The following SGK1 variants were observed in gnomAD, a reference collection of about 807,000 sequenced individuals.
SGK1 encodes the protein serine/threonine-protein kinase Sgk1.
SGK1 carries 26 observed loss-of-function variants against 64.2 expected under a neutral mutation model. That is an observed-to-expected ratio of 0.40 (90% CI 0.30 to 0.56). SGK1 has a LOEUF of 0.56. SGK1 is among the 20% of genes least tolerant of loss of function. The probability of loss-of-function intolerance (pLI) is 0.38; values close to 1 mark genes in which losing one functional copy is unlikely to be tolerated. For synonymous variants in SGK1, 265 were observed against 239.7 expected (o/e 1.11, Z -0.98); for missense variants, 519 against 645.6 (o/e 0.80, Z 2.12).
At chr6:134,237,601 C>T (rs1434607406) in intron 2 of SGK1, among the ~76,000 whole-genome samples, 2 of 152,006 alleles carry the variant, frequency 1.3e-5, no homozygotes, top group African/African-American at 2.4e-5. Context: ...CGCTTGAACC[C>T]GGGAAGGCAG....
intron 1 of SGK1, among the ~76,000 whole-genome samples, chr6:134,283,360 A>T (rs576252671): frequency 1.3e-5 from 2 of 151,996 alleles, no homozygotes; most frequent in African/African-American, 4.8e-5. Flanking sequence ...GCGTGGTGGC[A>T]CGTGCCTGTA....
At chr6:134,263,236 C>T (rs910034372) in intron 1 of SGK1, among the ~76,000 whole-genome samples, 1 of 152,026 alleles carries the variant, frequency 6.6e-6, no homozygotes, top group African/African-American at 2.4e-5. Context: ...AATACATATT[C>T]ACTATTATTA....
intron 1 of SGK1, among the ~76,000 whole-genome samples, chr6:134,266,540 C>T (rs1458487177): frequency 6.6e-6 from 1 of 152,020 alleles, no homozygotes; most frequent in Non-Finnish European, 1.5e-5. Flanking sequence ...GCTTGAACCT[C>T]GGAGGCAGAG....
At chr6:134,268,459 C>T (rs1326581779) in intron 1 of SGK1, among the ~76,000 whole-genome samples, 3 of 152,106 alleles carry the variant, frequency 2.0e-5, no homozygotes, top group Non-Finnish European at 4.4e-5. Context: ...GGCGCTGTGG[C>T]TCATGCCTGT....
At chr6:134,264,627 AATT>A (rs149642782) in intron 1 of SGK1, among the ~76,000 whole-genome samples, 1 of 151,804 alleles carries the variant, frequency 6.6e-6, no homozygotes, top group Non-Finnish European at 1.5e-5. Flanking sequence ...GTGATGCTAC[AATT>A]ATTATTATTA....
At chr6:134,293,843 G>A (rs1477808177) in intron 1 of SGK1, among the ~76,000 whole-genome samples, 1 of 152,114 alleles carries the variant, frequency 6.6e-6, no homozygotes, top group Non-Finnish European at 1.5e-5. Flanking sequence ...CTAAAATGCA[G>A]ACAAATGGAA....
At chr6:134,257,416 CAAACA>C (rs902231346) in intron 2 of SGK1, among the ~76,000 whole-genome samples, 123 of 152,228 alleles carry the variant, frequency 8.1e-4, no homozygotes, top group African/African-American at 2.6e-3. Flanking sequence ...AAAAACCCAA[CAAACA>C]AAACAAAACA....
At chr6:134,239,381 G>A (rs1197406822) in intron 2 of SGK1, among the ~76,000 whole-genome samples, 2 of 152,232 alleles carry the variant, frequency 1.3e-5, no homozygotes, top group Non-Finnish European at 2.9e-5. Flanking sequence ...CAGATAAGAC[G>A]CAGTCAGAGA....
At chr6:134,190,443 G>C (rs567102153) in intron 3 of SGK1, among the ~76,000 whole-genome samples, 217 of 152,136 alleles carry the variant, frequency 1.4e-3, no homozygotes, top group African/African-American at 4.8e-3. Context: ...ACACCACCAG[G>C]CATGGCTAAT....
Position 134,172,676 on chromosome 6 carries a change from C to T in SGK1, c.933G>A (p.Leu311=), listed in dbSNP as rs1775068977. 1.9e-6 allele frequency: 3 copies of T among 1,610,234 alleles called. No individual in the cohort carries two copies. The highest frequency in any genetic ancestry group is 8.5e-7 in the Non-Finnish European group (1 of 1,176,460). Residue 311 remains leucine, a synonymous_variant, in exon 9 of 14, where the codon CTG becomes CTA. Coordinates refer to ENST00000367858, the MANE Select transcript of SGK1 (RefSeq NM_001143676.3). The part of the protein sequence containing the change: ...IASALGYLHS[L]NIVYRDLKPE... Reference sequence around the variant, plus strand: ...CTCAGGCTTACCTATAAACGATGTTCAGTGAATGCAGGTAGCCCAAGGCAC... The same window carrying T: ...CTCAGGCTTACCTATAAACGATGTTTAGTGAATGCAGGTAGCCCAAGGCAC...
intron 8 of SGK1, 97 bp downstream of exon 8, chr6:134,172,926 T>C: frequency 7.1e-7 from 1 of 1,404,194 alleles, no homozygotes; most frequent in Non-Finnish European, 9.9e-7. Flanking sequence ...CTGGTAACAT[T>C]CTCCCCACCA....
At chr6:134,217,351 G>C (rs1057279367) in intron 2 of SGK1, among the ~76,000 whole-genome samples, 1 of 152,204 alleles carries the variant, frequency 6.6e-6, no homozygotes, top group Non-Finnish European at 1.5e-5. Flanking sequence ...TCTGTGCTCA[G>C]ACTAGTGTGG....
chr6:134,192,554 T>C (rs879823876), intron 3 of SGK1, among the ~76,000 whole-genome samples: 5 of 152,230 alleles, frequency 3.3e-5, no homozygotes, highest in South Asian at 4.1e-4. Flanking sequence ...CTGGCATCCC[T>C]GGTTTTACCT....
chr6:134,308,549 C>G (rs75331120), intron 1 of SGK1, among the ~76,000 whole-genome samples: 7,660 of 152,050 alleles, frequency 0.05, 255 homozygotes, highest in Non-Finnish European at 0.075. Flanking sequence ...GGGCACAATC[C>G]TAGGAATGTT....
chr6:134,251,647 C>T (rs1257340624), intron 2 of SGK1, among the ~76,000 whole-genome samples: 1 of 152,114 alleles, frequency 6.6e-6, no homozygotes, highest in Non-Finnish European at 1.5e-5. Context: ...CCCTGGAGAG[C>T]TTATGAAATA....
chr6:134,245,058 G>A (rs1776506395), intron 2 of SGK1, among the ~76,000 whole-genome samples: 1 of 152,210 alleles, frequency 6.6e-6, no homozygotes, highest in African/African-American at 2.4e-5. Context: ...TTACAGGCGT[G>A]AGCCACCATG....
chr6:134,196,786 A>G (rs750798177), intron 3 of SGK1, among the ~76,000 whole-genome samples: 3 of 152,266 alleles, frequency 2.0e-5, no homozygotes, highest in Admixed American at 6.5e-5. Context: ...TATGAGTGAC[A>G]GAGTGAGTGG....
At chr6:134,246,182 C>T (rs1325809046) in intron 2 of SGK1, among the ~76,000 whole-genome samples, 3 of 151,442 alleles carry the variant, frequency 2.0e-5, no homozygotes, top group Non-Finnish European at 4.4e-5. Flanking sequence ...GAGTTTCACT[C>T]TTGTTGCCCA....
chr6:134,207,328 G>A, intron 3 of SGK1, 28 bp downstream of exon 3: 1 of 1,430,350 alleles, frequency 7.0e-7, no homozygotes, highest in Non-Finnish European at 9.8e-7. Context: ...TACATAACAG[G>A]AAACAGGTTG....
Sources: allele counts gnomAD v4.1 joint callset (sites outside exome capture counted in the v4.1 genomes callset), GRCh38; gene constraint gnomAD v4.1.1; transcripts MANE v1.5; gene names NCBI Gene and HGNC (gene_info 2026-07-23, HGNC 2026-07-21).